CNTRL: variants seen among roughly 807,000 people sequenced by gnomAD.
The protein encoded by CNTRL is 110 kDa centrosomal protein.
A neutral mutation model predicts 303.7 loss-of-function variants in CNTRL; 233 were observed. The observed-to-expected ratio is 0.77, with a 90% CI of 0.69 to 0.86. The LOEUF (loss-of-function observed/expected upper bound fraction) is 0.86, where lower values mean the gene tolerates loss of function less well. Among genes scored for constraint, CNTRL ranks in the 40% least tolerant of loss-of-function variants. CNTRL has a pLI of 0.00. For missense variants in CNTRL, 2,524 were observed against 2,650.6 expected (o/e 0.95, Z 1.05); for synonymous variants, 900 against 922.2 (o/e 0.98, Z 0.44).
rs553682339 is a variant in CNTRL, at chr9:121,146,445, C to G, written c.3459+189C>G. Among the ~76,000 whole-genome samples, 13 of 152,238 alleles carry G rather than the reference C, an allele frequency of 8.5e-5. No individual in the cohort carries two copies. The East Asian group carries it at 2.1e-3, about 25-fold the overall frequency. ...CCTTCTTGGGGAAGGTGACAGTTGA[C>G]TGTTCATACTCGGGCGGTATGTGTT... On this transcript the variant is annotated intron_variant, in intron 23 of 43. Coordinates refer to ENST00000373855, the MANE Select transcript of CNTRL (RefSeq NM_007018.6).
At chr9:121,167,729 A>C in intron 37 of CNTRL, 52 bp downstream of exon 37, 1 of 1,517,488 alleles carries the variant, frequency 6.6e-7, no homozygotes, top group Non-Finnish European at 9.0e-7. Context: ...GGCTCATGTG[A>C]GCCTATTTTT....
At chr9:121,079,092 C>T (rs1170810509) in intron 1 of CNTRL, among the ~76,000 whole-genome samples, 2 of 152,178 alleles carry the variant, frequency 1.3e-5, no homozygotes, top group African/African-American at 4.8e-5. Context: ...AGCCATCAGT[C>T]AACTCATTAG....
intron 8 of CNTRL, among the ~76,000 whole-genome samples, chr9:121,109,382 A>C (rs967860658): frequency 6.6e-6 from 1 of 152,168 alleles, no homozygotes; most frequent in African/African-American, 2.4e-5. Context: ...AACTTTCACA[A>C]AACAGCATAC....
rs1205031785 is a variant in CNTRL, at chr9:121,118,390, T to G, written c.1500T>G (p.Gly500=). ...ACCTTCTTTACAAGCAGTTGAGTGG[T>G]AGACTACAACTTGTAAATAAATTAC... The part of the protein sequence containing the change: ...GKDLLYKQLS[G]RLQLVNKLRQ... The change falls in exon 12 of 44, where the codon GGT becomes GGG. Residue 500 remains glycine, a synonymous_variant. Transcript: ENST00000373855. 6.2e-7 allele frequency: 1 copy of G among 1,611,418 alleles called. No homozygotes were observed. Among genetic ancestry groups the G allele is most frequent in the Non-Finnish European group, 8.5e-7 (1 of 1,178,640 alleles).
intron 7 of CNTRL, among the ~76,000 whole-genome samples, chr9:121,102,274 G>A (rs11792448): frequency 0.024 from 3,715 of 152,172 alleles, 57 homozygotes; most frequent in South Asian, 0.042. Flanking sequence ...ATAATCCATC[G>A]TATAAACAGA....
In CNTRL at chr9:121,124,101, G is replaced by C; in HGVS notation, c.1804+17G>C. On this transcript the variant is annotated intron_variant, in intron 13 of 43. Transcript: ENST00000373855. The stretch of plus-strand genomic sequence containing the variant: ...TTACTGAAGGTAAGACTTTCAGTAT[G>C]ATTTAAGGTAAATCAGTGTTATTGC... 1 of 1,590,020 alleles carries C rather than the reference G, an allele frequency of 6.3e-7. No homozygotes were observed. The highest frequency in any genetic ancestry group is 8.5e-7 in the Non-Finnish European group (1 of 1,170,434).
In CNTRL at chr9:121,138,921, G is replaced by T. The variant is rs920667698; in HGVS notation, c.2337+242G>T. 2.0e-5 allele frequency among the ~76,000 whole-genome samples: 3 copies of T among 152,176 alleles called. No homozygotes were observed. In the East Asian group the frequency reaches 5.8e-4, roughly 29 times the overall value. ...GTGCAAAGAGATAGAGGCAGTGTCA[G>T]TAGTAAACAATATACTGTGTAAACT... On this transcript the variant is annotated intron_variant, in intron 16 of 43. Transcript: ENST00000373855.
At position 121,099,252 on chromosome 9, in the gene CNTRL, C is replaced by T. The variant is rs571071047; in HGVS notation, c.808+680C>T. On this transcript the variant is annotated intron_variant, in intron 7 of 43. Coordinates refer to ENST00000373855, the MANE Select transcript of CNTRL (RefSeq NM_007018.6). ...ACATTTGCCGTTCTGCAATATATGCCGTTCTGCAGCCTCCACTGGTGATAC... is the reference window on the plus strand; with the variant it reads ...ACATTTGCCGTTCTGCAATATATGCTGTTCTGCAGCCTCCACTGGTGATAC... Among the ~76,000 whole-genome samples the T allele has an allele frequency of 3.6e-4, 55 of 152,250 alleles. 1 individual carries two copies. Among genetic ancestry groups the T allele is most frequent in the Admixed American group, 2.6e-4 (4 of 15,286 alleles).
Position 121,138,536 on chromosome 9 carries a change from T to C in CNTRL, c.2203-9T>C. Reference sequence around the variant, plus strand: ...TACACTTTCATGTCATTGCTTCCTATGGTGACAGTTAGAACAATCAGCCCT... The same window carrying C: ...TACACTTTCATGTCATTGCTTCCTACGGTGACAGTTAGAACAATCAGCCCT... On this transcript the variant is annotated splice_polypyrimidine_tract_variant and intron_variant, in intron 15 of 43. Coordinates refer to ENST00000373855, the MANE Select transcript of CNTRL (RefSeq NM_007018.6). 1 of 1,611,208 alleles carries C rather than the reference T, an allele frequency of 6.2e-7. No individual in the cohort carries two copies. The highest frequency in any genetic ancestry group is 1.7e-5 in the Admixed American group (1 of 59,554).
chr9:121,171,491 G>A lies in CNTRL; in HGVS notation c.6360G>A (p.Arg2120=), dbSNP rs373320800. The A allele has an allele frequency of 6.8e-6, 11 of 1,614,108 alleles. No individual in the cohort carries two copies. Among genetic ancestry groups the A allele is most frequent in the Non-Finnish European group, 9.3e-6 (11 of 1,179,984 alleles). Residue 2120 remains arginine, a synonymous_variant, in exon 40 of 44, where the codon AGG becomes AGA. Coordinates refer to ENST00000373855, the MANE Select transcript of CNTRL (RefSeq NM_007018.6). Reference sequence around the variant, plus strand: ...CCCAGGACAACCATGAGCGGGCCAGGCGCCTGATGAAGGAGCTCAACCAGA... The same window carrying A: ...CCCAGGACAACCATGAGCGGGCCAGACGCCTGATGAAGGAGCTCAACCAGA... ...LVAQDNHERA[R]RLMKELNQMQ... is the part of the protein sequence containing the mutation.
chr9:121,110,293 G>A lies in CNTRL; in HGVS notation c.1003-2166G>A, dbSNP rs1479042248. Among the ~76,000 whole-genome samples the A allele has an allele frequency of 3.3e-5, 5 of 152,262 alleles. No individual in the cohort carries two copies. In the East Asian group the frequency reaches 9.6e-4, roughly 29 times the overall value. ...TGTCCTGCTAGCCTCACAGAATTGTGAGGATTTAATGAGCTAATAATGAAA... is the reference window on the plus strand; with the variant it reads ...TGTCCTGCTAGCCTCACAGAATTGTAAGGATTTAATGAGCTAATAATGAAA... On this transcript the variant is annotated intron_variant, in intron 8 of 43. Coordinates refer to ENST00000373855, the MANE Select transcript of CNTRL (RefSeq NM_007018.6).
chr9:121,138,433 TA>T, intron 15 of CNTRL, 111 bp from the exon 16 acceptor site: 1 of 1,130,660 alleles, frequency 8.8e-7, no homozygotes, highest in Non-Finnish European at 1.2e-6. Context: ...AATTGAGTTG[TA>T]AAACTATAGC....
At chr9:121,161,727 A>G in intron 32 of CNTRL, 129 bp from the exon 33 acceptor site, 1 of 615,230 alleles carries the variant, frequency 1.6e-6, no homozygotes. Flanking sequence ...AATTAGCACC[A>G]TTAATTCAGC....
At chr9:121,174,054 A>G (rs1378557986) in intron 42 of CNTRL, among the ~76,000 whole-genome samples, 7 of 152,252 alleles carry the variant, frequency 4.6e-5, no homozygotes, top group Non-Finnish European at 7.3e-5. Context: ...TAAGGTTATC[A>G]TAGGCCAGTG....
intron 7 of CNTRL, among the ~76,000 whole-genome samples, chr9:121,106,355 A>G (rs1438891223): frequency 6.9e-6 from 1 of 144,150 alleles, no homozygotes; most frequent in East Asian, 2.1e-4. Context: ...AAAAAAAAAA[A>G]CCTAAAAGCA....
At chr9:121,146,050 T>G in intron 22 of CNTRL, 58 bp from the exon 23 acceptor site, 1 of 1,445,692 alleles carries the variant, frequency 6.9e-7, no homozygotes, top group Non-Finnish European at 9.4e-7. Flanking sequence ...TCTTTTATAT[T>G]TTGAGAAAGG....
intron 35 of CNTRL, 93 bp from the exon 36 acceptor site, chr9:121,166,014 A>T: frequency 1.1e-6 from 1 of 946,280 alleles, no homozygotes. Context: ...GAGTAAGCTT[A>T]AAACAACTTC....
At chr9:121,143,752 A>G (rs2051664384) in intron 19 of CNTRL, 151 bp from the exon 20 acceptor site, 4 of 517,016 alleles carry the variant, frequency 7.7e-6, no homozygotes, top group African/African-American at 1.9e-5. Flanking sequence ...GAGATCTATT[A>G]TTTATTCATT....
At chr9:121,088,784 A>G (rs778165594) in intron 3 of CNTRL, among the ~76,000 whole-genome samples, 11 of 152,244 alleles carry the variant, frequency 7.2e-5, no homozygotes, top group East Asian at 1.9e-4. Context: ...TTCCTGTGGT[A>G]GGAGAGTGTC....
Sources: gnomAD v4.1 joint callset for allele counts (sites outside exome capture counted in the v4.1 genomes callset) on GRCh38, gnomAD v4.1.1 for gene constraint, MANE v1.5 for transcripts, NCBI Gene and HGNC (gene_info 2026-07-23, HGNC 2026-07-21) for gene names.